The following R3HCC1L variants were observed in gnomAD, a reference collection of about 807,000 sequenced individuals.
R3HCC1L encodes the protein coiled-coil domain-containing protein R3HCC1L.
In R3HCC1L, 51 loss-of-function variants were observed where a neutral mutation model predicts 59.9. The observed-to-expected ratio is 0.85, with a 90% confidence interval of 0.68 to 1.07. The LOEUF (loss-of-function observed/expected upper bound fraction) is 1.07, where lower values mean the gene tolerates loss of function less well. Among genes scored for constraint, R3HCC1L ranks in the 50% least tolerant of loss-of-function variants. R3HCC1L has a pLI of 0.00. For missense variants in R3HCC1L, 965 were observed against 933.0 expected (o/e 1.03, Z -0.45); for synonymous variants, 322 against 315.2 (o/e 1.02, Z -0.23).
chr10:98,231,238 C>T (rs1002724592), intron 5 of R3HCC1L, among the ~76,000 whole-genome samples: 3 of 152,112 alleles, frequency 2.0e-5, no homozygotes, highest in Admixed American at 6.6e-5. Flanking sequence ...TGTGTTTTCT[C>T]GTGTGCTGGT....
At chr10:98,138,284 A>G (rs1272814082) in intron 1 of R3HCC1L, among the ~76,000 whole-genome samples, 1 of 152,206 alleles carries the variant, frequency 6.6e-6, no homozygotes, top group Non-Finnish European at 1.5e-5. Flanking sequence ...AATCAGCAAG[A>G]TAACTATTTT....
At chr10:98,220,370 C>T (rs796464011) in intron 5 of R3HCC1L, among the ~76,000 whole-genome samples, 173 of 136,042 alleles carry the variant, frequency 1.3e-3, no homozygotes, top group Middle Eastern at 7.9e-3. Context: ...ATTTCTTTTT[C>T]TTTTTTTTTT....
At chr10:98,166,767 G>A (rs1847983401) in intron 4 of R3HCC1L, among the ~76,000 whole-genome samples, 1 of 152,160 alleles carries the variant, frequency 6.6e-6, no homozygotes, top group South Asian at 2.1e-4. Flanking sequence ...CCAGGTTCAA[G>A]CGATTCTCCT....
At chr10:98,224,383 T>G (rs1033371942) in intron 5 of R3HCC1L, among the ~76,000 whole-genome samples, 1 of 152,196 alleles carries the variant, frequency 6.6e-6, no homozygotes, top group Non-Finnish European at 1.5e-5. Flanking sequence ...AACTCAATGA[T>G]GCATGCCTTG....
At chr10:98,148,536 CT>C (rs1845868833) in intron 1 of R3HCC1L, among the ~76,000 whole-genome samples, 1 of 152,052 alleles carries the variant, frequency 6.6e-6, no homozygotes, top group South Asian at 2.1e-4. Context: ...CATATATAGC[CT>C]TTATTATTTT....
intron 5 of R3HCC1L, chr10:98,231,076 C>CT (rs1310538495): frequency 1.9e-5 from 8 of 412,812 alleles, no homozygotes; most frequent in Middle Eastern, 4.9e-4. Flanking sequence ...TATTTAAAAA[C>CT]TTTTTTTCAT....
intron 9 of R3HCC1L, among the ~76,000 whole-genome samples, chr10:98,237,863 T>G (rs971016531): frequency 2.6e-5 from 4 of 152,234 alleles, no homozygotes; most frequent in African/African-American, 9.6e-5. Context: ...TTAAATATTT[T>G]TTTTCAGTGG....
chr10:98,143,099 T>G (rs1845321253), intron 1 of R3HCC1L, among the ~76,000 whole-genome samples: 2 of 152,250 alleles, frequency 1.3e-5, no homozygotes, highest in Non-Finnish European at 2.9e-5. Flanking sequence ...TCTTGTCTGG[T>G]CCCACAAGTT....
chr10:98,211,552 T>C (rs894206119), intron 5 of R3HCC1L, among the ~76,000 whole-genome samples: 3 of 152,114 alleles, frequency 2.0e-5, no homozygotes, highest in Non-Finnish European at 4.4e-5. Context: ...AAAGAAACAG[T>C]GTTCGCAAGA....
intron 4 of R3HCC1L, among the ~76,000 whole-genome samples, chr10:98,165,707 A>G (rs1053881366): frequency 2.0e-5 from 3 of 152,242 alleles, no homozygotes; most frequent in East Asian, 3.9e-4. Context: ...CTTTGCTACA[A>G]TGAACCTTTG....
At chr10:98,182,858 T>C (rs565952716) in intron 4 of R3HCC1L, among the ~76,000 whole-genome samples, 1 of 152,306 alleles carries the variant, frequency 6.6e-6, no homozygotes, top group South Asian at 2.1e-4. Context: ...TCAAGGGATA[T>C]AATCTCCTGG....
intron 4 of R3HCC1L, among the ~76,000 whole-genome samples, chr10:98,184,065 G>A (rs1849967843): frequency 6.6e-6 from 1 of 150,888 alleles, no homozygotes; most frequent in African/African-American, 2.4e-5. Context: ...AGACGTGTGT[G>A]TGTGTGTGTG....
intron 6 of R3HCC1L, among the ~76,000 whole-genome samples, chr10:98,233,494 T>TCATG (rs1465141249): frequency 6.6e-6 from 1 of 152,202 alleles, no homozygotes; most frequent in Non-Finnish European, 1.5e-5. Flanking sequence ...CTTTGCCTTG[T>TCATG]CATGGATGAT....
chr10:98,145,225 G>A, intron 1 of R3HCC1L, among the ~76,000 whole-genome samples: 1 of 152,210 alleles, frequency 6.6e-6, no homozygotes, highest in Non-Finnish European at 1.5e-5. Flanking sequence ...GGGAATTGCT[G>A]AAGAGTACAG....
At chr10:98,138,542 C>A (rs1047624984) in intron 1 of R3HCC1L, among the ~76,000 whole-genome samples, 4 of 151,770 alleles carry the variant, frequency 2.6e-5, no homozygotes, top group African/African-American at 7.3e-5. Context: ...AAAAAAAAAT[C>A]AATTAAACAC....
intron 5 of R3HCC1L, 24 bp downstream of exon 5, chr10:98,209,923 A>C (rs1853361538): frequency 6.4e-7 from 1 of 1,551,802 alleles, no homozygotes. Flanking sequence ...AAATTGCTTG[A>C]TGCTTAGTTA....
chr10:98,225,758 C>A (rs1449322313), intron 5 of R3HCC1L, among the ~76,000 whole-genome samples: 1 of 152,168 alleles, frequency 6.6e-6, no homozygotes, highest in Non-Finnish European at 1.5e-5. Context: ...TATAAGTATA[C>A]AAGTTTAGCT....
chr10:98,219,266 C>T (rs746892657), intron 5 of R3HCC1L, among the ~76,000 whole-genome samples: 99 of 152,140 alleles, frequency 6.5e-4, no homozygotes, highest in Non-Finnish European at 1.0e-3. Context: ...TAACTACCCC[C>T]GCTTTGCTTT....
chr10:98,242,662 T>C (rs1276337848), intron 9 of R3HCC1L, among the ~76,000 whole-genome samples: 1 of 152,240 alleles, frequency 6.6e-6, no homozygotes, highest in African/African-American at 2.4e-5. Flanking sequence ...CATATTACTC[T>C]TAAAGATTTA....
Sources: allele counts gnomAD v4.1 joint callset (sites outside exome capture counted in the v4.1 genomes callset), GRCh38; gene constraint gnomAD v4.1.1; transcripts MANE v1.5; gene names NCBI Gene and HGNC (gene_info 2026-07-23, HGNC 2026-07-21).